Variants in TNFRSF11B observed in about 807,000 individuals in gnomAD.
TNFRSF11B encodes tumor necrosis factor receptor superfamily member 11B.
A neutral mutation model predicts 43.4 loss-of-function variants in TNFRSF11B; 16 were observed. That is an observed-to-expected ratio of 0.37 (90% CI 0.25 to 0.56). The LOEUF (loss-of-function observed/expected upper bound fraction) is 0.56, where lower values mean the gene tolerates loss of function less well. TNFRSF11B is among the 20% of genes least tolerant of loss of function. The pLI, the probability that TNFRSF11B is intolerant of heterozygous loss-of-function variation, is 0.80. For missense variants in TNFRSF11B, 444 were observed against 490.1 expected (o/e 0.91, Z 0.89); for synonymous variants, 185 against 181.8 (o/e 1.02, Z -0.14).
At chr8:118,934,554 G>A (rs1210627426) in intron 1 of TNFRSF11B, among the ~76,000 whole-genome samples, 1 of 152,186 alleles carries the variant, frequency 6.6e-6, no homozygotes, top group Non-Finnish European at 1.5e-5. Flanking sequence ...CACTTGGAAG[G>A]AGAGTTTCAA....
intron 4 of TNFRSF11B, among the ~76,000 whole-genome samples, chr8:118,925,136 A>G (rs536425238): frequency 2.0e-5 from 3 of 152,356 alleles, no homozygotes; most frequent in African/African-American, 7.2e-5. Flanking sequence ...TTTGTAATAC[A>G]AAGTTTCATT....
intron 1 of TNFRSF11B, among the ~76,000 whole-genome samples, chr8:118,939,954 T>TA (rs1474556575): frequency 2.0e-5 from 3 of 152,114 alleles, no homozygotes; most frequent in Admixed American, 6.5e-5. Flanking sequence ...CAGATAATTT[T>TA]AAAAAGGGTG....
intron 1 of TNFRSF11B, among the ~76,000 whole-genome samples, chr8:118,941,245 GT>G (rs1178316618): frequency 3.3e-5 from 5 of 152,304 alleles, no homozygotes; most frequent in African/African-American, 1.2e-4. Flanking sequence ...CATGGGAGAA[GT>G]TTATCTACTG....
chr8:118,933,214 C>A lies in TNFRSF11B; in HGVS notation c.117G>T (p.Leu39=), dbSNP rs755659288. ...TACCAGGAGGACATTTGTCACACAACAGCTGATGAGAGGTTTCTTCGTCAT... is the reference window on the plus strand; with the variant it reads ...TACCAGGAGGACATTTGTCACACAAAAGCTGATGAGAGGTTTCTTCGTCAT... ...LHYDEETSHQ[L]LCDKCPPGTY... is the part of the protein sequence containing the mutation. Residue 39 remains leucine, a synonymous_variant, in exon 2 of 5, where the codon CTG becomes CTT. Transcript: ENST00000297350. 6.2e-7 allele frequency: 1 copy of A among 1,614,228 alleles called. No individual in the cohort carries two copies. Among genetic ancestry groups the A allele is most frequent in the East Asian group, 2.2e-5 (1 of 44,884 alleles).
Position 118,951,793 on chromosome 8 carries a change from A to ACGAG in TNFRSF11B, c.25_28dup (p.Val10AlafsTer9), listed in dbSNP as rs1292670477. 4 of 1,591,716 alleles carry ACGAG rather than the reference A, an allele frequency of 2.5e-6. No homozygotes were observed. The highest frequency in any genetic ancestry group is 3.4e-6 in the Non-Finnish European group (4 of 1,169,410). On this transcript the variant is annotated frameshift_variant and splice_region_variant, in exon 1 of 5. Transcript: ENST00000297350. LOFTEE classifies it high-confidence loss of function. The stretch of plus-strand genomic sequence containing the variant: ...CCGTCGGCTGGCCCAGGGACTTACC[A>ACGAG]CGAGCGCGCAGCACAGCAAGTTGTT...
intron 1 of TNFRSF11B, among the ~76,000 whole-genome samples, chr8:118,939,420 A>G (rs971870027): frequency 1.1e-4 from 16 of 152,234 alleles, no homozygotes; most frequent in Non-Finnish European, 2.4e-4. Flanking sequence ...AATTGGAGGC[A>G]TAAAAGGGGA....
chr8:118,948,278 CT>C (rs561133109), intron 1 of TNFRSF11B, among the ~76,000 whole-genome samples: 5 of 149,844 alleles, frequency 3.3e-5, no homozygotes, highest in South Asian at 2.1e-4. Context: ...ATTCCCCAGC[CT>C]TTTTTTTTTC....
chr8:118,942,465 A>C (rs1812500165), intron 1 of TNFRSF11B, among the ~76,000 whole-genome samples: 1 of 152,152 alleles, frequency 6.6e-6, no homozygotes, highest in Non-Finnish European at 1.5e-5. Context: ...AATGGAATAG[A>C]AACTAGAAGA....
At position 118,933,024 on chromosome 8, in the gene TNFRSF11B, G is replaced by T; in HGVS notation, c.307C>A (p.Arg103Ser). 6.2e-7 allele frequency: 1 copy of T among 1,614,140 alleles called. No individual in the cohort carries two copies. The highest frequency in any genetic ancestry group is 8.5e-7 in the Non-Finnish European group (1 of 1,180,030). The change falls in exon 2 of 5, where the codon CGC becomes AGC. Residue 103 changes from arginine to serine, a missense_variant. By Grantham distance (110) the Arg-to-Ser change is moderately radical. Coordinates refer to ENST00000297350, the MANE Select transcript of TNFRSF11B (RefSeq NM_002546.4). ...CGCCCTTCCTTGCATTCGCACACGC[G>T]GTTGTGGGTGCGATTGCACTCCTGC... ...VKQECNRTHN[R>S]VCECKEGRYL...
At chr8:118,948,153 C>T (rs1812593310) in intron 1 of TNFRSF11B, among the ~76,000 whole-genome samples, 2 of 152,078 alleles carry the variant, frequency 1.3e-5, no homozygotes, top group Admixed American at 6.6e-5. Flanking sequence ...ATACAAATAT[C>T]CTGATAATTT....
intron 1 of TNFRSF11B, among the ~76,000 whole-genome samples, chr8:118,945,925 A>C (rs532376931): frequency 1.3e-5 from 2 of 152,240 alleles, no homozygotes; most frequent in Non-Finnish European, 2.9e-5. Flanking sequence ...TCTGAATTGG[A>C]GTAGAAATCT....
chr8:118,939,579 A>G (rs1461101451), intron 1 of TNFRSF11B, among the ~76,000 whole-genome samples: 1 of 152,212 alleles, frequency 6.6e-6, no homozygotes, highest in Non-Finnish European at 1.5e-5. Flanking sequence ...GAGCACATCC[A>G]TGAACTCTAG....
chr8:118,932,865 C>T lies in TNFRSF11B; in HGVS notation c.400+66G>A. 6 of 1,605,536 alleles carry T rather than the reference C, an allele frequency of 3.7e-6. No individual in the cohort carries two copies. In the South Asian group the frequency reaches 6.6e-5, roughly 18 times the overall value. ...AATGTCATCAGAACAAAAGTGTTCT[C>T]CTAAACTGTCACAACTATCTGACTT... On this transcript the variant is annotated intron_variant, in intron 2 of 4. Coordinates refer to ENST00000297350, the MANE Select transcript of TNFRSF11B (RefSeq NM_002546.4).
At chr8:118,951,160 T>C (rs976772376) in intron 1 of TNFRSF11B, among the ~76,000 whole-genome samples, 2 of 152,200 alleles carry the variant, frequency 1.3e-5, no homozygotes, top group East Asian at 1.9e-4. Context: ...TTTTAGAACA[T>C]AACATACTGC....
At chr8:118,947,574 C>T (rs11573828) in intron 1 of TNFRSF11B, among the ~76,000 whole-genome samples, 5,842 of 152,166 alleles carry the variant, frequency 0.038, 179 homozygotes, top group East Asian at 0.17. Flanking sequence ...ACATTCATGT[C>T]CTATTGACCA....
chr8:118,933,896 A>T (rs1243462608), intron 1 of TNFRSF11B, among the ~76,000 whole-genome samples: 1 of 152,174 alleles, frequency 6.6e-6, no homozygotes. Context: ...GGCACTTGGG[A>T]TACAATTCTG....
chr8:118,928,012 ATG>A (rs58489703), intron 3 of TNFRSF11B, among the ~76,000 whole-genome samples: 15,905 of 144,764 alleles, frequency 0.11, 907 homozygotes, highest in Non-Finnish European at 0.14. Flanking sequence ...CACATTTCTA[ATG>A]TGTGTGTGTG....
intron 2 of TNFRSF11B, 46 bp from the exon 3 acceptor site, chr8:118,928,975 T>A: frequency 1.3e-6 from 2 of 1,565,874 alleles, no homozygotes; most frequent in Non-Finnish European, 1.8e-6. Flanking sequence ...TCAAATCGTT[T>A]CCCAGCAGAT....
chr8:118,949,750 G>C lies in TNFRSF11B; in HGVS notation c.30+2042C>G, dbSNP rs568065956. On this transcript the variant is annotated intron_variant, in intron 1 of 4. Transcript: ENST00000297350. The stretch of plus-strand genomic sequence containing the variant: ...CTATGGGTCCATGGTGAAAGGAATA[G>C]TGTCTATCTTGCTTTTCACACTGTC... Among the ~76,000 whole-genome samples, 3 of 152,308 alleles carry C rather than the reference G, an allele frequency of 2.0e-5. No homozygotes were observed. The South Asian group carries it at 6.2e-4, about 32-fold the overall frequency.
Sources: allele counts gnomAD v4.1 joint callset (sites outside exome capture counted in the v4.1 genomes callset), GRCh38; gene constraint gnomAD v4.1.1; transcripts MANE v1.5; gene names NCBI Gene and HGNC (gene_info 2026-07-23, HGNC 2026-07-21).